The following ARHGAP6 variants were observed in gnomAD, a reference collection of about 807,000 sequenced individuals.
ARHGAP6 encodes Rho GTPase activating protein 6.
In ARHGAP6, 16 loss-of-function variants were observed where a neutral mutation model predicts 55.7. The ratio of observed to expected loss-of-function variants is 0.29; its 90% CI spans 0.19 to 0.44. The LOEUF is 0.44. Ranked by LOEUF, ARHGAP6 falls within the 20% of genes least tolerant of loss-of-function variation. The pLI, the probability that ARHGAP6 is intolerant of heterozygous loss-of-function variation, is 1.00. For missense variants in ARHGAP6, 698 were observed against 808.9 expected (o/e 0.86, Z 1.66); for synonymous variants, 382 against 360.9 (o/e 1.06, Z -0.66).
chrX:11,497,559 T>TTCTCCTTCTCTCTC (rs2050635952), intron 1 of ARHGAP6, among the ~76,000 whole-genome samples: 1 of 41,144 alleles, frequency 2.4e-5, no homozygotes, highest in African/African-American at 9.3e-5. Flanking sequence ...CCCTCCCTCC[T>TTCTCCTTCTCTCTC]TCTCTCTCTC....
chrX:11,358,488 T>TC (rs1156649373), intron 1 of ARHGAP6, among the ~76,000 whole-genome samples: 27 of 100,182 alleles, frequency 2.7e-4, no homozygotes, highest in Non-Finnish European at 2.8e-4. Flanking sequence ...TTTCTTTCTT[T>TC]TTTTTTTTTT....
chrX:11,659,700 T>C (rs1456226253), intron 1 of ARHGAP6, among the ~76,000 whole-genome samples: 1 of 111,220 alleles, frequency 9.0e-6, no homozygotes, highest in Non-Finnish European at 1.9e-5. Flanking sequence ...GAGAGAGAAA[T>C]GACCACACAA....
chrX:11,646,892 A>C (rs2052534174), intron 1 of ARHGAP6, among the ~76,000 whole-genome samples: 1 of 112,369 alleles, frequency 8.9e-6, no homozygotes, highest in African/African-American at 3.2e-5. Context: ...TTTTAGTGTC[A>C]CTTCATTTTA....
intron 1 of ARHGAP6, among the ~76,000 whole-genome samples, chrX:11,610,144 A>T (rs760986529): frequency 1.8e-5 from 2 of 111,261 alleles, no homozygotes; most frequent in Admixed American, 9.6e-5. Context: ...AAAAAAAAAA[A>T]AATACAAAAT....
intron 1 of ARHGAP6, among the ~76,000 whole-genome samples, chrX:11,328,678 A>G (rs1424449974): frequency 1.8e-5 from 2 of 112,390 alleles, no homozygotes; most frequent in East Asian, 2.8e-4. Flanking sequence ...CTTCTAGTCT[A>G]TCCTCATAGT....
chrX:11,361,670 A>C lies in ARHGAP6; in HGVS notation c.589-106963T>G, dbSNP rs1473767888. ...TTGACAAATGGGATCTAATTAAACT[A>C]AAGAGCTTCTGCACAGCAAAAGAAA... On this transcript the variant is annotated intron_variant, in intron 1 of 12. Coordinates refer to ENST00000337414, the MANE Select transcript of ARHGAP6 (RefSeq NM_013427.3). 1.3e-4 allele frequency among the ~76,000 whole-genome samples: 15 copies of C among 111,114 alleles called. No homozygotes were observed. In the East Asian group the frequency reaches 2.3e-3, roughly 17 times the overall value.
At chrX:11,496,573 A>AG in intron 1 of ARHGAP6, among the ~76,000 whole-genome samples, 1 of 110,870 alleles carries the variant, frequency 9.0e-6, no homozygotes, top group South Asian at 3.9e-4. Flanking sequence ...ATTTTGAACT[A>AG]GAAAAAAAAA....
chrX:11,373,954 T>A (rs1015595010), intron 1 of ARHGAP6, among the ~76,000 whole-genome samples: 3 of 112,103 alleles, frequency 2.7e-5, no homozygotes, highest in African/African-American at 9.7e-5. Flanking sequence ...GAGGAGGCAA[T>A]GTCTTATTAT....
intron 1 of ARHGAP6, among the ~76,000 whole-genome samples, chrX:11,658,919 G>A (rs191168096): frequency 1.3e-4 from 14 of 109,751 alleles, no homozygotes; most frequent in Non-Finnish European, 2.3e-4. Context: ...CCCACTAGAC[G>A]CCAGTAGCAC....
intron 1 of ARHGAP6, among the ~76,000 whole-genome samples, chrX:11,515,481 C>A (rs760043487): frequency 9.2e-6 from 1 of 109,191 alleles, no homozygotes; most frequent in East Asian, 2.9e-4. Flanking sequence ...TACTGGAGCA[C>A]ATAACTATAC....
chrX:11,265,734 G>A, intron 1 of ARHGAP6: 2 of 916,844 alleles, frequency 2.2e-6, no homozygotes, highest in Non-Finnish European at 2.7e-6. Context: ...TAATCTAACT[G>A]AACTAAGCTT....
rs563105154 is a variant in ARHGAP6, at chrX:11,264,740, A to G, written c.589-10033T>C. Among the ~76,000 whole-genome samples, 117 of 112,268 alleles carry G rather than the reference A, an allele frequency of 1.0e-3. No individual in the cohort carries two copies. The Middle Eastern group carries it at 0.027, about 26-fold the overall frequency. The stretch of plus-strand genomic sequence containing the variant: ...TAATTAAATTTAGTTCACTGAAATT[A>G]GAACGACCTCCGGAGATAGATTAGA... On this transcript the variant is annotated intron_variant, in intron 1 of 12. Coordinates refer to ENST00000337414, the MANE Select transcript of ARHGAP6 (RefSeq NM_013427.3).
At chrX:11,268,655 C>A (rs1716247647) in intron 1 of ARHGAP6, among the ~76,000 whole-genome samples, 1 of 111,241 alleles carries the variant, frequency 9.0e-6, no homozygotes, top group Admixed American at 9.6e-5. Flanking sequence ...TTTCTAGCCC[C>A]AGTCCATAAA....
chrX:11,506,925 C>T (rs992260075), intron 1 of ARHGAP6, among the ~76,000 whole-genome samples: 1 of 111,750 alleles, frequency 8.9e-6, no homozygotes, highest in Non-Finnish European at 1.9e-5. Context: ...TTAATGATTG[C>T]CATTCTAACT....
chrX:11,557,307 C>G (rs1049574958), intron 1 of ARHGAP6, among the ~76,000 whole-genome samples: 4 of 111,837 alleles, frequency 3.6e-5, no homozygotes, highest in African/African-American at 1.3e-4. Context: ...TGCTAGATTA[C>G]TCATGATGAG....
chrX:11,521,113 G>A (rs1471024747), intron 1 of ARHGAP6, among the ~76,000 whole-genome samples: 2 of 111,996 alleles, frequency 1.8e-5, no homozygotes, highest in Admixed American at 9.5e-5. Flanking sequence ...TAGGTTGCCT[G>A]TTCACTCTGA....
intron 2 of ARHGAP6, among the ~76,000 whole-genome samples, chrX:11,239,322 T>A (rs1312108315): frequency 9.0e-6 from 1 of 111,689 alleles, no homozygotes; most frequent in African/African-American, 3.3e-5. Flanking sequence ...AACTCACTTA[T>A]CAAGCATGTG....
chrX:11,188,102 G>A, intron 4 of ARHGAP6, among the ~76,000 whole-genome samples: 1 of 111,741 alleles, frequency 8.9e-6, no homozygotes, highest in Non-Finnish European at 1.9e-5. Flanking sequence ...CAGTGACCTG[G>A]AAGCTTTAGA....
chrX:11,259,979 G>T (rs2047537542), intron 1 of ARHGAP6, among the ~76,000 whole-genome samples: 1 of 111,695 alleles, frequency 9.0e-6, no homozygotes, highest in African/African-American at 3.3e-5. Context: ...AGATTATTGA[G>T]ATGGGGAGAT....
Sources: gnomAD v4.1 joint callset for allele counts (sites outside exome capture counted in the v4.1 genomes callset) on GRCh38, gnomAD v4.1.1 for gene constraint, MANE v1.5 for transcripts, NCBI Gene and HGNC (gene_info 2026-07-23, HGNC 2026-07-21) for gene names.